Variants in ASAP2 observed in about 807,000 individuals in gnomAD.
ASAP2 encodes the protein ArfGAP with SH3 domain, ankyrin repeat and PH domain 2.
A neutral mutation model predicts 131.4 loss-of-function variants in ASAP2; 45 were observed. That is an observed-to-expected ratio of 0.34 (90% confidence interval 0.27 to 0.44). The LOEUF is 0.44. Among genes scored for constraint, ASAP2 ranks in the 20% least tolerant of loss-of-function variants. ASAP2 has a pLI of 1.00. For missense variants in ASAP2, 1,011 were observed against 1,297.0 expected (o/e 0.78, Z 3.39); for synonymous variants, 510 against 503.0 (o/e 1.01, Z -0.19).
intron 1 of ASAP2, among the ~76,000 whole-genome samples, chr2:9,255,332 G>C (rs917784521): frequency 6.6e-6 from 1 of 152,202 alleles, no homozygotes; most frequent in African/African-American, 2.4e-5. Flanking sequence ...GACTATTTAA[G>C]TAACAATAAT....
intron 16 of ASAP2, among the ~76,000 whole-genome samples, chr2:9,370,492 C>G (rs573591062): frequency 2.6e-5 from 4 of 152,262 alleles, no homozygotes; most frequent in African/African-American, 9.6e-5. Context: ...TATTTTTACC[C>G]AAACCTAGAG....
intron 25 of ASAP2, among the ~76,000 whole-genome samples, chr2:9,400,429 G>GCCTTCCT (rs1676563584): frequency 1.0e-5 from 1 of 100,500 alleles, no homozygotes; most frequent in Admixed American, 1.1e-4. Flanking sequence ...CCTCCTCCCT[G>GCCTTCCT]CCTTCCTCCT....
intron 15 of ASAP2, among the ~76,000 whole-genome samples, chr2:9,361,741 C>A (rs1315036867): frequency 6.6e-6 from 1 of 151,956 alleles, no homozygotes; most frequent in Admixed American, 6.6e-5. Context: ...CTAAGTTTTG[C>A]ATTTTTGGTA....
Position 9,379,040 on chromosome 2 carries a change from GA to G in ASAP2, c.1931del (p.Lys644ArgfsTer6). ...AECLKLLLRGKASIEIANESG... is the reference protein window; with the variant it reads ...AECLKLLLRGXASIEIANESG... ...AGTGCCTCAAGTTGCTCCTGCGGGG[GA>G]AGGCCTCCATCGAGATAGGTGAGTG... On this transcript the variant is annotated frameshift_variant, in exon 19 of 28. Coordinates refer to ENST00000281419, the MANE Select transcript of ASAP2 (RefSeq NM_003887.3). LOFTEE classifies it high-confidence loss of function. 6.4e-7 allele frequency: 1 copy of G among 1,572,070 alleles called. No homozygotes were observed. The highest frequency in any genetic ancestry group is 8.6e-7 in the Non-Finnish European group (1 of 1,158,020).
intron 1 of ASAP2, among the ~76,000 whole-genome samples, chr2:9,250,525 C>T (rs185107316): frequency 9.9e-4 from 150 of 152,262 alleles, no homozygotes; most frequent in African/African-American, 3.5e-3. Context: ...AAAGTGTTTT[C>T]CCATTCCACA....
At chr2:9,359,828 A>G (rs367733277) in intron 15 of ASAP2, among the ~76,000 whole-genome samples, 1 of 152,166 alleles carries the variant, frequency 6.6e-6, no homozygotes, top group African/African-American at 2.4e-5. Flanking sequence ...GAATTCCTTT[A>G]TGGTCTTGAA....
At position 9,376,954 on chromosome 2, in the gene ASAP2, G is replaced by A. The variant is rs919010572; in HGVS notation, c.1793G>A (p.Arg598Gln). 1 of 1,613,978 alleles carries A rather than the reference G, an allele frequency of 6.2e-7. No homozygotes were observed. The highest frequency in any genetic ancestry group is 8.5e-7 in the Non-Finnish European group (1 of 1,180,032). ...CACCTTGCAGTCAGATCCGTGGATCGAACCTCTCTTCACATTGTAGACTTT... is the reference window on the plus strand; with the variant it reads ...CACCTTGCAGTCAGATCCGTGGATCAAACCTCTCTTCACATTGTAGACTTT... Reference protein sequence around the residue: ...ALHLAVRSVDRTSLHIVDFLV... With the variant: ...ALHLAVRSVDQTSLHIVDFLV... Residue 598 changes from arginine (R) to glutamine (Q), a missense_variant, in exon 18 of 28, where the codon CGA (arginine) becomes CAA (glutamine). Transcript: ENST00000281419.
At chr2:9,283,147 G>A (rs908089427) in intron 2 of ASAP2, among the ~76,000 whole-genome samples, 19 of 151,798 alleles carry the variant, frequency 1.3e-4, no homozygotes, top group South Asian at 2.1e-4. Context: ...GCATGATCTC[G>A]GCTCACTGCA....
rs1239811260 is a variant in ASAP2 at position 9,344,380 on chromosome 2, TC to T, written c.850-149del. 6.1e-5 allele frequency: 38 copies of T among 618,014 alleles called. No homozygotes were observed. In the East Asian group the frequency reaches 9.5e-4, roughly 15 times the overall value. 38.3% of individuals were successfully genotyped at this position (618,014 alleles called of 1,614,324 possible). ...TCAGTTCCTAGAGCAGAATCTGATG[TC>T]CCTTTTTTGCTGTGTTGAGAAAGGG... On this transcript the variant is annotated intron_variant, in intron 9 of 27. Transcript: ENST00000281419.
chr2:9,290,757 G>A (rs777214394), intron 2 of ASAP2, among the ~76,000 whole-genome samples: 7 of 152,186 alleles, frequency 4.6e-5, no homozygotes, highest in African/African-American at 1.2e-4. Context: ...GGCCCACTGC[G>A]ACTTGGAACA....
chr2:9,341,726 C>T (rs551034166), intron 9 of ASAP2, among the ~76,000 whole-genome samples: 1 of 152,288 alleles, frequency 6.6e-6, no homozygotes, highest in African/African-American at 2.4e-5. Context: ...ATTCCTTCCA[C>T]AGCATTGTTC....
intron 2 of ASAP2, among the ~76,000 whole-genome samples, chr2:9,286,447 A>AAAAAAAAAAATATATAT (rs58605449): frequency 1.3e-5 from 2 of 148,416 alleles, no homozygotes; most frequent in African/African-American, 5.1e-5. Flanking sequence ...GAAAAAAAAA[A>AAAAAAAAAAATATATAT]ATATATATAT....
At chr2:9,308,892 T>A (rs1414406034) in intron 3 of ASAP2, among the ~76,000 whole-genome samples, 3 of 152,182 alleles carry the variant, frequency 2.0e-5, no homozygotes, top group Non-Finnish European at 4.4e-5. Context: ...ATTCAGGCCA[T>A]TTTAGTCAGT....
At chr2:9,267,913 A>G (rs1034331049) in intron 1 of ASAP2, among the ~76,000 whole-genome samples, 21 of 151,168 alleles carry the variant, frequency 1.4e-4, no homozygotes, top group African/African-American at 5.1e-4. Flanking sequence ...AAAAAAAAAA[A>G]AAAAAAAAAG....
At chr2:9,313,014 G>A (rs1024262423) in intron 3 of ASAP2, among the ~76,000 whole-genome samples, 25 of 152,172 alleles carry the variant, frequency 1.6e-4, no homozygotes, top group Admixed American at 1.5e-3. Context: ...AGCCAAGATC[G>A]TGCCACTGCA....
In ASAP2 at chr2:9,228,088, G is replaced by A. The variant is rs191597317; in HGVS notation, c.126+20858G>A. On this transcript the variant is annotated intron_variant, in intron 1 of 27. Coordinates refer to ENST00000281419, the MANE Select transcript of ASAP2 (RefSeq NM_003887.3). The stretch of plus-strand genomic sequence containing the variant: ...TCTATAATTATAATTGAAATGGAAT[G>A]GGGGTGAATCTTTTAATATGAGGTT... Among the ~76,000 whole-genome samples, 420 of 152,282 alleles carry A rather than the reference G, an allele frequency of 2.8e-3. 2 individuals are homozygous for A. Among genetic ancestry groups the A allele is most frequent in the Middle Eastern group, 6.8e-3 (2 of 294 alleles).
chr2:9,346,651 C>T (rs1558352488), intron 11 of ASAP2, among the ~76,000 whole-genome samples: 1 of 152,198 alleles, frequency 6.6e-6, no homozygotes. Context: ...TTTGTTTGAA[C>T]TCCGATTGAC....
intron 24 of ASAP2, 55 bp from the exon 25 acceptor site, chr2:9,399,968 A>G: frequency 6.4e-7 from 1 of 1,566,420 alleles, no homozygotes; most frequent in East Asian, 2.2e-5. Context: ...AGGGGATGAG[A>G]AAGGGGCAGG....
chr2:9,400,132 G>A, intron 25 of ASAP2, 60 bp downstream of exon 25: 2 of 1,474,812 alleles, frequency 1.4e-6, no homozygotes, highest in Non-Finnish European at 1.8e-6. Context: ...CAATGTGGGG[G>A]ATGTTTCCTG....
Sources: gnomAD v4.1 joint callset for allele counts (sites outside exome capture counted in the v4.1 genomes callset) on GRCh38, gnomAD v4.1.1 for gene constraint, MANE v1.5 for transcripts, NCBI Gene and HGNC (gene_info 2026-07-23, HGNC 2026-07-21) for gene names.